Variants in DYM observed in about 807,000 individuals in gnomAD.
The protein encoded by DYM is dyggve-Melchior-Clausen syndrome protein.
DYM carries 78 observed loss-of-function variants against 93.1 expected under a neutral mutation model. The observed-to-expected ratio is 0.84, with a 90% CI of 0.70 to 1.01. The LOEUF is 1.01. Ranked by LOEUF, DYM falls within the 50% of genes least tolerant of loss-of-function variation. The pLI, the probability that DYM is intolerant of heterozygous loss-of-function variation, is 0.00. For synonymous variants in DYM, 321 were observed against 319.7 expected (o/e 1.00, Z -0.04); for missense variants, 789 against 845.0 (o/e 0.93, Z 0.82).
chr18:49,236,360 G>A lies in DYM; in HGVS notation c.1460+20650C>T, dbSNP rs182633833. Among the ~76,000 whole-genome samples, 249 of 152,074 alleles carry A rather than the reference G, an allele frequency of 1.6e-3. 3 individuals carry two copies. The East Asian group carries it at 0.019, about 12-fold the overall frequency. On this transcript the variant is annotated intron_variant, in intron 13 of 17. Transcript: ENST00000675505. ...CAGGGTGTGGTGGCAGGCGCCTGTA[G>A]TCCTAGCTACTCGAGAGGCTGAGGC... is the stretch of plus-strand genomic sequence containing the variant.
chr18:49,318,073 A>G (rs955838588), intron 8 of DYM, among the ~76,000 whole-genome samples: 1 of 152,132 alleles, frequency 6.6e-6, no homozygotes, highest in Non-Finnish European at 1.5e-5. Flanking sequence ...ACTCTGCTCC[A>G]TGCCTACACC....
chr18:49,045,574 G>A (rs1945801928), intron 17 of DYM, among the ~76,000 whole-genome samples: 1 of 152,214 alleles, frequency 6.6e-6, no homozygotes, highest in Non-Finnish European at 1.5e-5. Context: ...AGATACGGGG[G>A]TGCGGCAGCC....
At chr18:49,265,926 G>A (rs2849476) in intron 11 of DYM, among the ~76,000 whole-genome samples, 151,621 of 152,312 alleles carry the variant, frequency 1, 75,472 homozygotes, top group Middle Eastern at 1. Flanking sequence ...CACATCCAAT[G>A]AAACCAGTAT....
At chr18:49,340,769 A>T (rs993213846) in intron 6 of DYM, among the ~76,000 whole-genome samples, 1 of 152,254 alleles carries the variant, frequency 6.6e-6, no homozygotes, top group East Asian at 1.9e-4. Flanking sequence ...ACATCCACTA[A>T]AACAGTGACA....
intron 2 of DYM, among the ~76,000 whole-genome samples, chr18:49,392,681 T>TTAA (rs1452175055): frequency 2.9e-5 from 2 of 68,504 alleles, no homozygotes; most frequent in Non-Finnish European, 4.9e-5. Context: ...GGCTTTTATT[T>TTAA]AAAAAAAAAA....
chr18:49,143,833 C>T (rs904687276), intron 15 of DYM, among the ~76,000 whole-genome samples: 5 of 152,122 alleles, frequency 3.3e-5, no homozygotes, highest in South Asian at 4.1e-4. Context: ...CCCAGCCCAT[C>T]AACTCATGGC....
intron 6 of DYM, among the ~76,000 whole-genome samples, chr18:49,334,274 G>A (rs78628292): frequency 0.038 from 5,783 of 151,788 alleles, 348 homozygotes; most frequent in African/African-American, 0.13. Context: ...GCCTTTTCAT[G>A]TTGATGATCA....
chr18:49,407,630 G>A (rs530876994), intron 2 of DYM, among the ~76,000 whole-genome samples: 1 of 152,134 alleles, frequency 6.6e-6, no homozygotes, highest in African/African-American at 2.4e-5. Flanking sequence ...CATCATCAGG[G>A]GATGGCGCTA....
intron 2 of DYM, among the ~76,000 whole-genome samples, chr18:49,404,653 C>T (rs192494235): frequency 4.1e-4 from 63 of 152,066 alleles, no homozygotes; most frequent in African/African-American, 1.1e-3. Flanking sequence ...TTTTGATTTG[C>T]GTTTCTCTAA....
chr18:49,234,775 C>T (rs2093810908), intron 13 of DYM, among the ~76,000 whole-genome samples: 1 of 152,154 alleles, frequency 6.6e-6, no homozygotes, highest in African/African-American at 2.4e-5. Context: ...TCCAAATATG[C>T]ACAATCTAAT....
At chr18:49,318,275 G>T (rs1261830600) in intron 8 of DYM, among the ~76,000 whole-genome samples, 2 of 152,168 alleles carry the variant, frequency 1.3e-5, no homozygotes, top group African/African-American at 4.8e-5. Flanking sequence ...GAACAATATG[G>T]GAAACTGAGA....
At chr18:49,434,233 G>A (rs189257190) in intron 1 of DYM, among the ~76,000 whole-genome samples, 8 of 152,068 alleles carry the variant, frequency 5.3e-5, no homozygotes, top group Non-Finnish European at 1.2e-4. Context: ...TGTAGTCCCA[G>A]CTACTAGGGA....
At chr18:49,067,140 C>T (rs1438085527) in intron 17 of DYM, among the ~76,000 whole-genome samples, 1 of 151,370 alleles carries the variant, frequency 6.6e-6, no homozygotes, top group East Asian at 1.9e-4. Flanking sequence ...TATGGAGGTT[C>T]AGTAGGGGAA....
At chr18:49,072,296 G>A (rs1000529489) in intron 17 of DYM, among the ~76,000 whole-genome samples, 4 of 152,076 alleles carry the variant, frequency 2.6e-5, no homozygotes, top group African/African-American at 9.7e-5. Context: ...GGTGATTCGT[G>A]TCATGTTTAA....
intron 13 of DYM, among the ~76,000 whole-genome samples, chr18:49,218,037 T>C (rs2093161491): frequency 6.6e-6 from 1 of 151,438 alleles, no homozygotes; most frequent in Non-Finnish European, 1.5e-5. Context: ...ACAAATAGGC[T>C]CAAAATAAAA....
intron 1 of DYM, among the ~76,000 whole-genome samples, chr18:49,438,867 T>A (rs1003391727): frequency 6.6e-6 from 1 of 152,174 alleles, no homozygotes; most frequent in Admixed American, 6.5e-5. Context: ...TGCCAAGGAT[T>A]CCAAACACAC....
chr18:49,244,006 T>A (rs984605547), intron 13 of DYM, among the ~76,000 whole-genome samples: 2 of 151,946 alleles, frequency 1.3e-5, no homozygotes, highest in Non-Finnish European at 2.9e-5. Context: ...CATTTTAGAT[T>A]TTTTTTTAAA....
intron 6 of DYM, among the ~76,000 whole-genome samples, chr18:49,361,473 C>T (rs913502494): frequency 2.0e-5 from 3 of 152,154 alleles, no homozygotes; most frequent in Non-Finnish European, 2.9e-5. Context: ...TTAAAATCTA[C>T]TTTTTTATTT....
chr18:49,080,212 A>AC lies in DYM; in HGVS notation c.2025+17189dup, dbSNP rs1156390883. Among the ~76,000 whole-genome samples the AC allele has an allele frequency of 1.5e-3, 120 of 78,716 alleles. 2 individuals are homozygous for AC. Among genetic ancestry groups the AC allele is most frequent in the African/African-American group, 5.8e-3 (107 of 18,584 alleles). 51.6% of individuals were successfully genotyped at this position (78,716 alleles called of 152,430 possible). ...GGGCGTCTGGCCGGGTGGGGGGCTG[A>AC]CCCCCCAACCTCCCTCTCGGACGGG... On this transcript the variant is annotated intron_variant, in intron 17 of 17. Coordinates refer to ENST00000675505, the MANE Select transcript of DYM (RefSeq NM_001353214.3).
Sources: allele counts gnomAD v4.1 joint callset (sites outside exome capture counted in the v4.1 genomes callset), GRCh38; gene constraint gnomAD v4.1.1; transcripts MANE v1.5; gene names NCBI Gene and HGNC (gene_info 2026-07-23, HGNC 2026-07-21).